Variants in POLA1 observed in about 807,000 individuals in gnomAD.
The protein encoded by POLA1 is DNA polymerase alpha 1, catalytic subunit, also known as DNA polymerase alpha catalytic subunit.
In POLA1, 15 loss-of-function variants were observed where a neutral mutation model predicts 124.0. The observed-to-expected ratio is 0.12, with a 90% CI of 0.08 to 0.19. The LOEUF is 0.19. Among genes scored for constraint, POLA1 ranks in the 10% least tolerant of loss-of-function variants. The pLI, the probability that POLA1 is intolerant of heterozygous loss-of-function variation, is 1.00. For missense variants in POLA1, 886 were observed against 1,103.4 expected, an observed-to-expected ratio of 0.80 and a Z score of 2.79; for synonymous variants, 408 against 389.4, an observed-to-expected ratio of 1.05 and a Z score of -0.56.
At chrX:24,749,187 T>C (rs1232376108) in intron 26 of POLA1, among the ~76,000 whole-genome samples, 195 bp downstream of exon 26, 1 of 110,812 alleles carries the variant, frequency 9.0e-6, no homozygotes, top group Non-Finnish European at 1.9e-5. Context: ...GTATTTATTA[T>C]TGAACATCTA....
chrX:24,751,525 C>T (rs1348947942), intron 26 of POLA1, among the ~76,000 whole-genome samples: 1 of 111,713 alleles, frequency 9.0e-6, no homozygotes, highest in African/African-American at 3.2e-5. Context: ...TCTCTTTACC[C>T]TTTGCTGTTT....
At chrX:24,976,659 TTTG>T (rs1483603320) in intron 36 of POLA1, among the ~76,000 whole-genome samples, 1 of 112,351 alleles carries the variant, frequency 8.9e-6, no homozygotes, top group Non-Finnish European at 1.9e-5. Context: ...GGGAGACTTC[TTTG>T]TTGGTTGGTT....
At chrX:24,863,588 C>A (rs995818849) in intron 34 of POLA1, among the ~76,000 whole-genome samples, 4 of 111,946 alleles carry the variant, frequency 3.6e-5, no homozygotes, top group Non-Finnish European at 7.5e-5. Flanking sequence ...AGGACACCCC[C>A]CTCTCCCAGC....
intron 36 of POLA1, among the ~76,000 whole-genome samples, chrX:24,947,896 T>C (rs2047987581): frequency 8.9e-6 from 1 of 112,315 alleles, no homozygotes. Flanking sequence ...CTGCAAGATA[T>C]ACTCTAACAG....
chrX:24,801,972 A>T (rs199638250), intron 26 of POLA1, among the ~76,000 whole-genome samples: 24 of 24,976 alleles, frequency 9.6e-4, no homozygotes, highest in African/African-American at 3.5e-3. Flanking sequence ...TGTGTGTGTG[A>T]CATTTATTGT....
chrX:24,922,615 G>T (rs531029901), intron 35 of POLA1, among the ~76,000 whole-genome samples: 1 of 110,929 alleles, frequency 9.0e-6, no homozygotes, highest in Non-Finnish European at 1.9e-5. Flanking sequence ...AGCCCCTGAG[G>T]CCCACAAATA....
intron 35 of POLA1, among the ~76,000 whole-genome samples, chrX:24,904,256 A>G (rs1342806120): frequency 9.0e-6 from 1 of 110,636 alleles, no homozygotes; most frequent in Non-Finnish European, 1.9e-5. Context: ...AAGTACCTTT[A>G]AACTAGCAGT....
chrX:24,968,702 CAAAAAA>C (rs1230409270), intron 36 of POLA1, among the ~76,000 whole-genome samples: 1 of 33,977 alleles, frequency 2.9e-5, no homozygotes, highest in Non-Finnish European at 6.0e-5. Flanking sequence ...GACTCCATCT[CAAAAAA>C]AAAAAAAAAA....
chrX:24,966,503 G>T (rs1415103565), intron 36 of POLA1, among the ~76,000 whole-genome samples: 1 of 111,749 alleles, frequency 8.9e-6, no homozygotes, highest in Non-Finnish European at 1.9e-5. Flanking sequence ...TTAACATGAA[G>T]AATACTTAAT....
chrX:24,808,231 CCTT>C (rs1280150844), intron 26 of POLA1, among the ~76,000 whole-genome samples: 1 of 111,852 alleles, frequency 8.9e-6, no homozygotes, highest in African/African-American at 3.3e-5. Context: ...TAGGCATGGC[CCTT>C]CATGGCCACC....
At chrX:24,841,923 AAC>A (rs919650016) in intron 33 of POLA1, 93 bp downstream of exon 33, 41 of 582,062 alleles carry the variant, frequency 7.0e-5, no homozygotes, top group Non-Finnish European at 1.1e-4. Flanking sequence ...GGGCGAAATA[AAC>A]ACACACATGT....
intron 34 of POLA1, among the ~76,000 whole-genome samples, chrX:24,868,774 A>G (rs2046827515): frequency 8.9e-6 from 1 of 111,804 alleles, no homozygotes; most frequent in Non-Finnish European, 1.9e-5. Context: ...CCATTTTTCC[A>G]AGTAATATGG....
intron 36 of POLA1, among the ~76,000 whole-genome samples, chrX:24,988,551 C>T (rs2048502190): frequency 8.9e-6 from 1 of 112,689 alleles, no homozygotes; most frequent in African/African-American, 3.2e-5. Flanking sequence ...TGTTACCTCT[C>T]CAGAGTAAAC....
At chrX:24,754,066 A>G (rs777664910) in intron 26 of POLA1, among the ~76,000 whole-genome samples, 1 of 111,777 alleles carries the variant, frequency 8.9e-6, no homozygotes, top group Admixed American at 9.5e-5. Flanking sequence ...GTGATGTGGT[A>G]GCACCTATCA....
At chrX:24,908,111 G>A (rs2047393404) in intron 35 of POLA1, among the ~76,000 whole-genome samples, 1 of 109,119 alleles carries the variant, frequency 9.2e-6, no homozygotes, top group African/African-American at 3.3e-5. Flanking sequence ...CAGGAAATGG[G>A]AAAGAGGAAG....
At chrX:24,874,703 T>G (rs1027403051) in intron 34 of POLA1, among the ~76,000 whole-genome samples, 6 of 111,515 alleles carry the variant, frequency 5.4e-5, no homozygotes, top group African/African-American at 2.0e-4. Context: ...CAGGCTGATG[T>G]TCTCCAACTG....
At chrX:24,831,424 T>G (rs1361276522) in intron 32 of POLA1, among the ~76,000 whole-genome samples, 1 of 111,390 alleles carries the variant, frequency 9.0e-6, no homozygotes, top group Non-Finnish European at 1.9e-5. Context: ...GTCTTTTTAT[T>G]TTTTATTTTT....
At chrX:24,696,483 C>T (rs1263938568) in intron 1 of POLA1, among the ~76,000 whole-genome samples, 3 of 111,965 alleles carry the variant, frequency 2.7e-5, no homozygotes, top group East Asian at 2.8e-4. Flanking sequence ...TCTTTTAAAA[C>T]CCATGCCCCC....
chrX:24,958,684 A>G (rs2048135516), intron 36 of POLA1, among the ~76,000 whole-genome samples: 1 of 112,350 alleles, frequency 8.9e-6, no homozygotes, highest in Admixed American at 9.4e-5. Flanking sequence ...TAACACACAC[A>G]CACATATATT....
Sources: gnomAD v4.1 joint callset for allele counts (sites outside exome capture counted in the v4.1 genomes callset) on GRCh38, gnomAD v4.1.1 for gene constraint, MANE v1.5 for transcripts, NCBI Gene and HGNC (gene_info 2026-07-23, HGNC 2026-07-21) for gene names.